The following HDAC9 variants were observed in gnomAD, a reference collection of about 807,000 sequenced individuals.
HDAC9 encodes histone deacetylase 9.
In HDAC9, 41 loss-of-function variants were observed where a neutral mutation model predicts 139.4. That is an observed-to-expected ratio of 0.29 (90% CI 0.23 to 0.38). The LOEUF (loss-of-function observed/expected upper bound fraction) is 0.38, where lower values mean the gene tolerates loss of function less well. Among genes scored for constraint, HDAC9 ranks in the 10% least tolerant of loss-of-function variants. The probability of loss-of-function intolerance (pLI) is 1.00; values close to 1 mark genes in which losing one functional copy is unlikely to be tolerated. For synonymous variants in HDAC9, 517 were observed against 476.2 expected (o/e 1.09, Z -1.12); for missense variants, 1,147 against 1,297.0 (o/e 0.88, Z 1.78).
At chr7:18,740,971 C>T (rs1188800013) in intron 13 of HDAC9, among the ~76,000 whole-genome samples, 2 of 152,134 alleles carry the variant, frequency 1.3e-5, no homozygotes, top group African/African-American at 4.8e-5. Flanking sequence ...CTCTTCAATT[C>T]TATGAGGGCT....
At chr7:18,861,294 G>A (rs982316051) in intron 21 of HDAC9, among the ~76,000 whole-genome samples, 5 of 152,030 alleles carry the variant, frequency 3.3e-5, no homozygotes, top group Admixed American at 6.6e-5. Context: ...TCCAAACTAA[G>A]CATGTTTCAA....
chr7:18,619,270 A>G (rs1403686883), intron 6 of HDAC9, among the ~76,000 whole-genome samples: 5 of 152,146 alleles, frequency 3.3e-5, no homozygotes, highest in Admixed American at 6.5e-5. Context: ...ATTCTTAGAA[A>G]TTAGGGTAGT....
intron 1 of HDAC9, among the ~76,000 whole-genome samples, chr7:18,348,645 G>A (rs1782606944): frequency 6.6e-6 from 1 of 152,142 alleles, no homozygotes; most frequent in African/African-American, 2.4e-5. Context: ...TTTTGGAGAT[G>A]TATTTAGAGG....
At chr7:18,505,894 C>T (rs1407173694) in intron 2 of HDAC9, 1 of 152,202 alleles carries the variant, frequency 6.6e-6, no homozygotes, top group African/African-American at 2.4e-5. Flanking sequence ...GTCTGTGCCT[C>T]TCTTTAGCAG....
At chr7:18,503,017 A>G (rs1798799356) in intron 2 of HDAC9, among the ~76,000 whole-genome samples, 2 of 152,316 alleles carry the variant, frequency 1.3e-5, no homozygotes, top group South Asian at 4.1e-4. Context: ...TTTAAGAATC[A>G]TGAACAATTT....
chr7:18,604,843 C>T (rs1422574601), intron 6 of HDAC9, among the ~76,000 whole-genome samples: 1 of 152,146 alleles, frequency 6.6e-6, no homozygotes, highest in African/African-American at 2.4e-5. Flanking sequence ...TAACATACTA[C>T]TTTTAGTTCC....
In HDAC9 at chr7:18,998,274, A is replaced by T. The variant is rs1020881064; in HGVS notation, c.*2212A>T. 5 of 152,114 alleles carry T rather than the reference A, an allele frequency of 3.3e-5. No homozygotes were observed. The highest frequency in any genetic ancestry group is 7.3e-5 in the Non-Finnish European group (5 of 68,038). 9.4% of individuals were successfully genotyped at this position (152,114 alleles called of 1,614,324 possible). ...GAAAATAAAACAGTGTAATGCAAAC[A>T]TGCTAATTTACTAAAGTTTCCTACA... On this transcript the variant is annotated 3_prime_UTR_variant, in exon 26 of 26. Transcript: ENST00000686413.
At chr7:18,796,818 A>G (rs1394462516) in intron 17 of HDAC9, among the ~76,000 whole-genome samples, 2 of 152,234 alleles carry the variant, frequency 1.3e-5, no homozygotes, top group African/African-American at 2.4e-5. Context: ...TAAATAAAAA[A>G]GGATTGATAC....
intron 21 of HDAC9, among the ~76,000 whole-genome samples, chr7:18,863,710 G>GT (rs1798278058): frequency 6.6e-6 from 1 of 152,140 alleles, no homozygotes; most frequent in Admixed American, 6.6e-5. Context: ...ACTTTGGAAG[G>GT]TAAGTGTTAT....
intron 2 of HDAC9, among the ~76,000 whole-genome samples, chr7:18,173,137 C>G (rs6969726): frequency 0.4 from 61,064 of 151,928 alleles, 13,492 homozygotes; most frequent in African/African-American, 0.58. Context: ...GGGTGCTCCT[C>G]TATTGGGTGC....
At chr7:18,360,596 C>G (rs1228460557) in intron 1 of HDAC9, among the ~76,000 whole-genome samples, 1 of 152,142 alleles carries the variant, frequency 6.6e-6, no homozygotes, top group Non-Finnish European at 1.5e-5. Flanking sequence ...TTTCATCTTT[C>G]AAGGTCCACT....
rs373789549 is a variant in HDAC9, at chr7:18,733,122, C to T, written c.1909+5365C>T. On this transcript the variant is annotated intron_variant, in intron 13 of 25. Coordinates refer to ENST00000686413, the MANE Select transcript of HDAC9 (RefSeq NM_178425.4). Reference sequence around the variant, plus strand: ...GTATATATACATATATATGTGTATACATGTATATATATACACATGTATACA... The same window carrying T: ...GTATATATACATATATATGTGTATATATGTATATATATACACATGTATACA... Among the ~76,000 whole-genome samples the T allele has an allele frequency of 1.1e-4, 15 of 141,754 alleles. No homozygotes were observed. In the East Asian group the frequency reaches 1.9e-3, roughly 18 times the overall value. 93.0% of individuals were successfully genotyped at this position (141,754 alleles called of 152,430 possible).
intron 2 of HDAC9, among the ~76,000 whole-genome samples, chr7:18,535,770 C>G (rs1810701755): frequency 7.4e-6 from 1 of 135,646 alleles, no homozygotes; most frequent in Non-Finnish European, 1.6e-5. Context: ...TATTTCATAA[C>G]CAAGTACAAC....
chr7:18,261,405 A>G (rs1409214597), intron 2 of HDAC9, among the ~76,000 whole-genome samples: 1 of 152,050 alleles, frequency 6.6e-6, no homozygotes, highest in Admixed American at 6.6e-5. Context: ...CAGTACTGCA[A>G]CTCTCTCCCA....
intron 6 of HDAC9, among the ~76,000 whole-genome samples, chr7:18,594,476 T>C (rs920112912): frequency 1.3e-5 from 2 of 152,064 alleles, no homozygotes; most frequent in South Asian, 2.1e-4. Flanking sequence ...TAATTGTTTT[T>C]GTGGTGAAAG....
chr7:18,183,218 C>T (rs943599236), intron 2 of HDAC9, among the ~76,000 whole-genome samples: 3 of 152,058 alleles, frequency 2.0e-5, no homozygotes, highest in Non-Finnish European at 2.9e-5. Context: ...ACCGTGTTAG[C>T]CAGGATGGTC....
intron 2 of HDAC9, among the ~76,000 whole-genome samples, chr7:18,540,705 A>G (rs1275340560): frequency 6.6e-6 from 1 of 152,224 alleles, no homozygotes; most frequent in African/African-American, 2.4e-5. Context: ...ATTTTTGTGA[A>G]GGAGGTACAG....
At chr7:18,116,420 C>T (rs185027470) in intron 1 of HDAC9, among the ~76,000 whole-genome samples, 55 of 152,138 alleles carry the variant, frequency 3.6e-4, no homozygotes, top group African/African-American at 1.1e-3. Context: ...ATCAAAAGTA[C>T]TGTGTATTCC....
At chr7:18,974,277 A>T (rs1408277901) in intron 24 of HDAC9, among the ~76,000 whole-genome samples, 3 of 152,214 alleles carry the variant, frequency 2.0e-5, no homozygotes, top group African/African-American at 4.8e-5. Flanking sequence ...TCTAATTTCT[A>T]ATGATCTTTC....
Sources: gnomAD v4.1 joint callset for allele counts (sites outside exome capture counted in the v4.1 genomes callset) on GRCh38, gnomAD v4.1.1 for gene constraint, MANE v1.5 for transcripts, NCBI Gene and HGNC (gene_info 2026-07-23, HGNC 2026-07-21) for gene names.